Variants in KCNT2 observed in about 807,000 individuals in gnomAD.
KCNT2 encodes potassium channel subfamily T member 2.
A neutral mutation model predicts 153.8 loss-of-function variants in KCNT2; 67 were observed. The observed-to-expected ratio is 0.44, with a 90% CI of 0.36 to 0.53. The LOEUF (loss-of-function observed/expected upper bound fraction) is 0.53, where lower values mean the gene tolerates loss of function less well. Ranked by LOEUF, KCNT2 falls within the 20% of genes least tolerant of loss-of-function variation. KCNT2 has a pLI of 0.00. For synonymous variants in KCNT2, 500 were observed against 458.8 expected (o/e 1.09, Z -1.15); for missense variants, 975 against 1,354.8 (o/e 0.72, Z 4.40).
In KCNT2 at chr1:196,317,877, A is replaced by G. The variant is rs191842768; in HGVS notation, c.2348+1607T>C. 3.9e-5 allele frequency among the ~76,000 whole-genome samples: 6 copies of G among 151,900 alleles called. No homozygotes were observed. The East Asian group carries it at 1.2e-3, about 30-fold the overall frequency. ...CTTGGCAAATTATCGTTACATATCA[A>G]TTTAAATCTATATAGAAAGTAGATA... On this transcript the variant is annotated intron_variant, in intron 20 of 27. Transcript: ENST00000294725.
chr1:196,264,303 A>G (rs555913023), intron 25 of KCNT2, among the ~76,000 whole-genome samples: 1 of 152,136 alleles, frequency 6.6e-6, no homozygotes, highest in Non-Finnish European at 1.5e-5. Flanking sequence ...CATTGTTTTT[A>G]ATGGTTTGTC....
At chr1:196,307,695 T>C (rs1341972731) in intron 21 of KCNT2, among the ~76,000 whole-genome samples, 2 of 152,142 alleles carry the variant, frequency 1.3e-5, no homozygotes, top group East Asian at 3.9e-4. Context: ...CATTGTATTA[T>C]CCATATTTCA....
chr1:196,399,522 G>C (rs1301278657), intron 12 of KCNT2, among the ~76,000 whole-genome samples: 2 of 151,750 alleles, frequency 1.3e-5, no homozygotes, highest in Middle Eastern at 6.3e-3. Flanking sequence ...ATATTAGAAA[G>C]TGGAGGTATA....
chr1:196,409,719 T>G (rs374827638), intron 12 of KCNT2, among the ~76,000 whole-genome samples: 2 of 151,822 alleles, frequency 1.3e-5, no homozygotes, highest in Non-Finnish European at 3.0e-5. Flanking sequence ...ACTGTTTATT[T>G]TGATTTCTTG....
At chr1:196,451,626 T>C (rs1232462928) in intron 8 of KCNT2, among the ~76,000 whole-genome samples, 1 of 151,524 alleles carries the variant, frequency 6.6e-6, no homozygotes, top group Non-Finnish European at 1.5e-5. Context: ...TATACTAAAA[T>C]ATACTTCTTA....
At position 196,250,228 on chromosome 1, in the gene KCNT2, G is replaced by A. The variant is rs374836936; in HGVS notation, c.3211+7966C>T. ...GAGCTAAAGTAACTAAAGCAGCATG[G>A]TACTGGCATAAAAACACAGCATGAA... On this transcript the variant is annotated intron_variant, in intron 26 of 27. Coordinates refer to ENST00000294725, the MANE Select transcript of KCNT2 (RefSeq NM_198503.5). 1.3e-4 allele frequency among the ~76,000 whole-genome samples: 20 copies of A among 152,156 alleles called. No homozygotes were observed. The South Asian group carries it at 1.5e-3, about 11-fold the overall frequency.
At chr1:196,462,799 T>C (rs1677266714) in intron 8 of KCNT2, among the ~76,000 whole-genome samples, 1 of 151,788 alleles carries the variant, frequency 6.6e-6, no homozygotes, top group Non-Finnish European at 1.5e-5. Context: ...ACATGTGGAC[T>C]TTTATCACTT....
intron 1 of KCNT2, among the ~76,000 whole-genome samples, chr1:196,527,193 A>T (rs1222515787): frequency 6.6e-6 from 1 of 152,170 alleles, no homozygotes; most frequent in African/African-American, 2.4e-5. Context: ...GTTCTATAGG[A>T]TATCTCAAAT....
At chr1:196,545,410 A>G (rs1284788499) in intron 1 of KCNT2, among the ~76,000 whole-genome samples, 1 of 152,072 alleles carries the variant, frequency 6.6e-6, no homozygotes, top group African/African-American at 2.4e-5. Flanking sequence ...GGACATACCA[A>G]TAGTTTAGGG....
chr1:196,445,910 A>G (rs1675649222), intron 8 of KCNT2, among the ~76,000 whole-genome samples: 1 of 151,354 alleles, frequency 6.6e-6, no homozygotes, highest in African/African-American at 2.4e-5. Context: ...TAGACCAAAA[A>G]AAAAAAATTA....
chr1:196,348,246 T>G (rs1232150589), intron 14 of KCNT2, among the ~76,000 whole-genome samples: 2 of 150,162 alleles, frequency 1.3e-5, no homozygotes, highest in Non-Finnish European at 3.0e-5. Context: ...CTAATGGACA[T>G]GAAGTGAATT....
At chr1:196,592,955 G>C (rs1455007157) in intron 1 of KCNT2, among the ~76,000 whole-genome samples, 1 of 149,408 alleles carries the variant, frequency 6.7e-6, no homozygotes, top group Non-Finnish European at 1.5e-5. Context: ...AATGTGGGGG[G>C]AACAGGTAGT....
intron 26 of KCNT2, among the ~76,000 whole-genome samples, chr1:196,251,405 G>A (rs938820014): frequency 6.6e-6 from 1 of 151,798 alleles, no homozygotes; most frequent in African/African-American, 2.4e-5. Context: ...TTGTTTGCTT[G>A]TTTGTTTTTC....
chr1:196,258,010 T>G, intron 26 of KCNT2, 184 bp downstream of exon 26: 1 of 1,406,664 alleles, frequency 7.1e-7, no homozygotes, highest in Non-Finnish European at 9.2e-7. Flanking sequence ...ACGCTGAAAA[T>G]TTTTAGCATT....
chr1:196,310,439 C>T (rs1043270403), intron 21 of KCNT2, among the ~76,000 whole-genome samples: 3 of 151,760 alleles, frequency 2.0e-5, no homozygotes, highest in African/African-American at 7.3e-5. Context: ...ATAAGGAATC[C>T]TCTGTATTCA....
intron 1 of KCNT2, among the ~76,000 whole-genome samples, chr1:196,553,968 ACAG>A (rs1658299626): frequency 6.6e-6 from 1 of 151,308 alleles, no homozygotes; most frequent in Non-Finnish European, 1.5e-5. Context: ...CCCATAGGAT[ACAG>A]CAAAAGCAGT....
rs189488085 is a variant in KCNT2, at chr1:196,578,711, T to C, written c.95+29504A>G. On this transcript the variant is annotated intron_variant, in intron 1 of 27. Transcript: ENST00000294725. ...GACTGACCAAAGAGACTAAAAATATTGGCATTCGGGATTTGGATGGGAGGA... is the reference window on the plus strand; with the variant it reads ...GACTGACCAAAGAGACTAAAAATATCGGCATTCGGGATTTGGATGGGAGGA... Among the ~76,000 whole-genome samples, 12 of 152,224 alleles carry C rather than the reference T, an allele frequency of 7.9e-5. No homozygotes were observed. The East Asian group carries it at 9.7e-4, about 12-fold the overall frequency.
Position 196,226,001 on chromosome 1 carries a change from CTA to C in KCNT2, c.*2221_*2222del, listed in dbSNP as rs1219831777. ...TTTTATTCTTTAAATAACAGAAAGA[CTA>C]ATAAATTATCATTATTGTAGCAAGC... On this transcript the variant is annotated 3_prime_UTR_variant, in exon 28 of 28. Transcript: ENST00000294725. 2 of 151,926 alleles carry C rather than the reference CTA, an allele frequency of 1.3e-5. No homozygotes were observed. The highest frequency in any genetic ancestry group is 2.9e-5 in the Non-Finnish European group (2 of 67,898). The allele number at this position is 151,926 out of a possible 1,614,324, so 9.4% of individuals were successfully genotyped here.
intron 1 of KCNT2, among the ~76,000 whole-genome samples, chr1:196,518,955 A>G (rs1486650439): frequency 2.0e-5 from 3 of 152,192 alleles, no homozygotes; most frequent in African/African-American, 4.8e-5. Flanking sequence ...ATAGACCTCT[A>G]CAGAACTCTC....
Sources: gnomAD v4.1 joint callset for allele counts (sites outside exome capture counted in the v4.1 genomes callset) on GRCh38, gnomAD v4.1.1 for gene constraint, MANE v1.5 for transcripts, NCBI Gene and HGNC (gene_info 2026-07-23, HGNC 2026-07-21) for gene names.